Variants in RIMS1 observed in about 807,000 individuals in gnomAD.
RIMS1 encodes the protein regulating synaptic membrane exocytosis protein 1.
A neutral mutation model predicts 214.1 loss-of-function variants in RIMS1; 83 were observed. That is an observed-to-expected ratio of 0.39 (90% CI 0.32 to 0.47). The LOEUF (loss-of-function observed/expected upper bound fraction) is 0.47. Ranked by LOEUF, RIMS1 falls within the 20% of genes least tolerant of loss-of-function variation. The pLI, the probability that RIMS1 is intolerant of heterozygous loss-of-function variation, is 0.99. For missense variants in RIMS1, 2,050 were observed against 2,161.8 expected, an observed-to-expected ratio of 0.95 and a Z score of 1.03; for synonymous variants, 793 against 786.8, an observed-to-expected ratio of 1.01 and a Z score of -0.13.
intron 27 of RIMS1, among the ~76,000 whole-genome samples, chr6:72,308,535 T>TTTA (rs1280039126): frequency 6.6e-6 from 1 of 152,136 alleles, no homozygotes; most frequent in African/African-American, 2.4e-5. Flanking sequence ...TTTTAAGCAG[T>TTTA]GTAAGTGGTT....
intron 27 of RIMS1, among the ~76,000 whole-genome samples, chr6:72,310,645 T>A (rs759331935): frequency 5.3e-5 from 8 of 152,032 alleles, no homozygotes; most frequent in Non-Finnish European, 8.8e-5. Context: ...AATGACTTAT[T>A]TGCCCTCTGT....
At chr6:72,261,183 T>C (rs1236160327) in intron 19 of RIMS1, 2 of 1,018,328 alleles carry the variant, frequency 2.0e-6, no homozygotes, top group Non-Finnish European at 2.4e-6. Flanking sequence ...GTTTTAGCCT[T>C]TTTTAATTTC....
At chr6:71,897,905 G>C (rs1562145651) in intron 1 of RIMS1, among the ~76,000 whole-genome samples, 1 of 152,150 alleles carries the variant, frequency 6.6e-6, no homozygotes, top group Admixed American at 6.6e-5. Flanking sequence ...TAAGTAGGAG[G>C]ATAGAGTGGG....
chr6:72,307,834 C>G (rs1053269966), intron 27 of RIMS1, among the ~76,000 whole-genome samples: 3 of 152,040 alleles, frequency 2.0e-5, no homozygotes, highest in Admixed American at 6.6e-5. Context: ...ACTCTTTCCT[C>G]TTGATATTTT....
At chr6:72,053,994 G>A (rs1346168108) in intron 2 of RIMS1, among the ~76,000 whole-genome samples, 2 of 152,046 alleles carry the variant, frequency 1.3e-5, no homozygotes, top group African/African-American at 4.8e-5. Flanking sequence ...TGCCATGGTG[G>A]TTTGCTGGAC....
intron 6 of RIMS1, among the ~76,000 whole-genome samples, chr6:72,230,680 G>C (rs1289211588): frequency 6.6e-6 from 1 of 151,486 alleles, no homozygotes; most frequent in African/African-American, 2.4e-5. Context: ...CTGGGTTTAG[G>C]AAACACTGGT....
At chr6:71,908,711 T>G (rs997204329) in intron 1 of RIMS1, among the ~76,000 whole-genome samples, 5 of 152,204 alleles carry the variant, frequency 3.3e-5, no homozygotes, top group African/African-American at 1.2e-4. Flanking sequence ...GAACACCCCC[T>G]GTTATTTTCC....
At chr6:72,268,514 A>T (rs1366367022) in intron 22 of RIMS1, among the ~76,000 whole-genome samples, 1 of 152,162 alleles carries the variant, frequency 6.6e-6, no homozygotes, top group East Asian at 1.9e-4. Flanking sequence ...CTAACCTTTA[A>T]CACAAGTTTT....
intron 2 of RIMS1, among the ~76,000 whole-genome samples, chr6:72,029,680 C>T (rs1817549422): frequency 1.3e-5 from 2 of 152,188 alleles, no homozygotes; most frequent in South Asian, 2.1e-4. Flanking sequence ...CAAGTTAGCA[C>T]CAAAATCTTT....
chr6:72,384,128 T>C (rs745971144), intron 29 of RIMS1, among the ~76,000 whole-genome samples: 7 of 152,138 alleles, frequency 4.6e-5, no homozygotes, highest in Non-Finnish European at 1.0e-4. Flanking sequence ...TCTTTATACA[T>C]CTCTCCAGCC....
intron 19 of RIMS1, chr6:72,262,472 T>G (rs1488572779): frequency 7.1e-6 from 7 of 985,214 alleles, no homozygotes; most frequent in Admixed American, 6.2e-5. Context: ...GAAGCTGAGC[T>G]AGCCAAATGT....
In RIMS1 at chr6:71,969,049, C is replaced by T. The variant is rs756857517; in HGVS notation, c.231C>T (p.Pro77=). The change falls in exon 2 of 34, where the codon CCC becomes CCT. Residue 77 remains proline, a synonymous_variant. Transcript: ENST00000521978. The part of the protein sequence containing the change: ...CKTPRNAENQ[P]HQPSPRLHQQ... ...CACCAAGAAATGCTGAAAACCAGCC[C>T]CACCAACCTTCACCGTGAGTATGGC... is the stretch of plus-strand genomic sequence containing the variant. The T allele has an allele frequency of 5.0e-6, 8 of 1,613,854 alleles. No individual in the cohort carries two copies. In the African/African-American group the frequency reaches 1.1e-4, roughly 22 times the overall value.
intron 4 of RIMS1, among the ~76,000 whole-genome samples, chr6:72,138,927 C>A (rs2041731570): frequency 6.6e-6 from 1 of 152,056 alleles, no homozygotes. Flanking sequence ...AGGAGTTTAC[C>A]ATGAACAATT....
At chr6:71,997,940 A>C (rs980594516) in intron 2 of RIMS1, among the ~76,000 whole-genome samples, 1 of 152,146 alleles carries the variant, frequency 6.6e-6, no homozygotes, top group South Asian at 2.1e-4. Flanking sequence ...GTGGAATAAT[A>C]TAAAAATGTA....
intron 27 of RIMS1, among the ~76,000 whole-genome samples, chr6:72,312,435 TATG>T (rs1347733459): frequency 6.6e-6 from 1 of 151,896 alleles, no homozygotes; most frequent in African/African-American, 2.4e-5. Flanking sequence ...ATAAAAATAA[TATG>T]TAATATATAA....
At chr6:71,977,990 G>A (rs1410794448) in intron 2 of RIMS1, among the ~76,000 whole-genome samples, 1 of 152,160 alleles carries the variant, frequency 6.6e-6, no homozygotes, top group African/African-American at 2.4e-5. Context: ...TGGCAGTTAA[G>A]GCAAAATATA....
intron 2 of RIMS1, among the ~76,000 whole-genome samples, chr6:71,984,121 G>A (rs1799217922): frequency 6.6e-6 from 1 of 152,136 alleles, no homozygotes; most frequent in Non-Finnish European, 1.5e-5. Flanking sequence ...TAACCAGAAT[G>A]TATTAGAGAC....
Position 71,887,335 on chromosome 6 carries a change from G to T in RIMS1, c.164+148G>T, listed in dbSNP as rs968698062. The T allele has an allele frequency of 4.5e-5, 46 of 1,020,016 alleles. 1 individual carries two copies. Among genetic ancestry groups the T allele is most frequent in the Non-Finnish European group, 5.4e-5 (37 of 683,492 alleles). The allele number at this position is 1,020,016 out of a possible 1,614,324, so 63.2% of individuals were successfully genotyped here. ...GAGGCGCCCGCCTTGGGCCAGGGGC[G>T]CGGGGCTTGAGCAGGGAAGAGGTCA... On this transcript the variant is annotated intron_variant, in intron 1 of 33. Coordinates refer to ENST00000521978, the MANE Select transcript of RIMS1 (RefSeq NM_014989.7).
At chr6:72,262,496 A>T in intron 19 of RIMS1, 18 of 985,364 alleles carry the variant, frequency 1.8e-5, no homozygotes, top group Non-Finnish European at 2.2e-5. Flanking sequence ...AGTGCGAAAC[A>T]TATGTCACCA....
Sources: gnomAD v4.1 joint callset for allele counts (sites outside exome capture counted in the v4.1 genomes callset) on GRCh38, gnomAD v4.1.1 for gene constraint, MANE v1.5 for transcripts, NCBI Gene and HGNC (gene_info 2026-07-23, HGNC 2026-07-21) for gene names.